Variants in TDRP observed in about 807,000 individuals in gnomAD.
TDRP encodes the protein testis development related protein.
TDRP carries 12 observed loss-of-function variants against 10.5 expected under a neutral mutation model. The observed-to-expected ratio is 1.15, with a 90% CI of 0.73 to 1.86. TDRP has a LOEUF of 1.86. TDRP is among the 40% of genes most tolerant of loss of function. The pLI is 0.00. For missense variants in TDRP, 353 were observed against 229.2 expected (o/e 1.54, Z -3.49); for synonymous variants, 139 against 95.4 (o/e 1.46, Z -2.67).
intron 1 of TDRP, among the ~76,000 whole-genome samples, chr8:517,950 T>C (rs1202810406): frequency 6.6e-6 from 1 of 152,110 alleles, no homozygotes; most frequent in African/African-American, 2.4e-5. Context: ...TGCAAAGGGT[T>C]CAGGGGAGGG....
intron 1 of TDRP, among the ~76,000 whole-genome samples, chr8:513,751 G>C (rs1563123305): frequency 6.6e-6 from 1 of 152,094 alleles, no homozygotes; most frequent in Non-Finnish European, 1.5e-5. Flanking sequence ...AAAATATGAA[G>C]TAGTCCACTA....
chr8:493,993 G>GTTT (rs68057437), intron 2 of TDRP, among the ~76,000 whole-genome samples: 13,206 of 105,438 alleles, frequency 0.13, 1,027 homozygotes, highest in Non-Finnish European at 0.15. Context: ...CATTTCTGTT[G>GTTT]TTTTTTTTTT....
chr8:527,458 C>T (rs1287611895), intron 1 of TDRP, among the ~76,000 whole-genome samples: 1 of 151,766 alleles, frequency 6.6e-6, no homozygotes, highest in African/African-American at 2.4e-5. Flanking sequence ...ATAGCCAAAG[C>T]TATCCTGAGC....
upstream of TDRP, chr8:545,470 C>T (rs1267447765): frequency 6.6e-6 from 1 of 151,400 alleles, no homozygotes; most frequent in Non-Finnish European, 1.5e-5. Context: ...TTCCCAGACC[C>T]TGGCCGGAGG....
At chr8:508,209 A>C (rs1219276907) in intron 1 of TDRP, among the ~76,000 whole-genome samples, 1 of 152,244 alleles carries the variant, frequency 6.6e-6, no homozygotes, top group Non-Finnish European at 1.5e-5. Flanking sequence ...CTAGAAATGA[A>C]AAGTATAATA....
At chr8:544,836 C>T (rs1025970151), upstream of TDRP, 133 of 1,049,580 alleles carry the variant, frequency 1.3e-4, no homozygotes, top group Non-Finnish European at 1.5e-4. Context: ...GGACGCTCTG[C>T]CTGCGGCTCC....
At chr8:496,562 A>C (rs1338126213) in intron 1 of TDRP, among the ~76,000 whole-genome samples, 1 of 152,202 alleles carries the variant, frequency 6.6e-6, no homozygotes, top group Non-Finnish European at 1.5e-5. Context: ...CCAAGTTGTT[A>C]TGTTCCCCAT....
In TDRP at chr8:492,309, T is replaced by C. The variant is rs1800999889; in HGVS notation, c.*90A>G. On this transcript the variant is annotated 3_prime_UTR_variant, in exon 3 of 3. Transcript: ENST00000324079. ...AAATATAGGCAAAAAGTAGACTCTC[T>C]ATTCTTTCTAACGCGGAAAAGACTC... 3 of 1,381,036 alleles carry C rather than the reference T, an allele frequency of 2.2e-6. No homozygotes were observed. Among genetic ancestry groups the C allele is most frequent in the Non-Finnish European group, 2.8e-6 (3 of 1,064,416 alleles). 85.5% of individuals were successfully genotyped at this position (1,381,036 alleles called of 1,614,324 possible). A position where few individuals can be genotyped will look rare whatever the true frequency, so the allele number is the denominator to read the frequency against.
intron 1 of TDRP, among the ~76,000 whole-genome samples, chr8:502,420 A>C (rs372904877): frequency 1.3e-5 from 2 of 152,346 alleles, no homozygotes; most frequent in East Asian, 3.9e-4. Context: ...ACGACCCTTC[A>C]GGGTGTGGTG....
intron 1 of TDRP, among the ~76,000 whole-genome samples, chr8:543,929 G>T (rs1298247246): frequency 7.6e-6 from 1 of 131,542 alleles, no homozygotes; most frequent in Non-Finnish European, 1.7e-5. Flanking sequence ...AAAAAGGGAG[G>T]GGGGGGGAGG....
At chr8:533,225 T>C (rs1485784988) in intron 1 of TDRP, among the ~76,000 whole-genome samples, 1 of 152,124 alleles carries the variant, frequency 6.6e-6, no homozygotes, top group Non-Finnish European at 1.5e-5. Context: ...CACATAAGCC[T>C]CTCCCTTCTG....
chr8:544,669 G>GC lies in TDRP; in HGVS notation c.88dup (p.Ala30GlyfsTer24), dbSNP rs1334292604. On this transcript the variant is annotated frameshift_variant, in exon 1 of 3. Transcript: ENST00000324079. LOFTEE classifies it high-confidence loss of function. ...CCTCACCTGCGCCTGGGCGGCGGCG[G>GC]CGGCGGCCGGTGGCGGCCCCCCACG... is the stretch of plus-strand genomic sequence containing the variant. 2.4e-6 allele frequency: 3 copies of GC among 1,244,444 alleles called. No individual in the cohort carries two copies. The highest frequency in any genetic ancestry group is 3.0e-6 in the Non-Finnish European group (3 of 995,396). 77.1% of individuals were successfully genotyped at this position (1,244,444 alleles called of 1,614,324 possible).
intron 1 of TDRP, among the ~76,000 whole-genome samples, chr8:530,304 G>A (rs1802156078): frequency 1.3e-5 from 2 of 152,048 alleles, no homozygotes; most frequent in African/African-American, 2.4e-5. Context: ...TCTTTAAGAT[G>A]ATCATTTTGA....
intron 1 of TDRP, among the ~76,000 whole-genome samples, chr8:512,290 G>A (rs1801640806): frequency 6.6e-6 from 1 of 151,886 alleles, no homozygotes; most frequent in African/African-American, 2.4e-5. Flanking sequence ...AAAAATGACT[G>A]GGCATGGTGG....
intron 1 of TDRP, among the ~76,000 whole-genome samples, chr8:542,370 C>CA (rs138981430): frequency 0.014 from 2,064 of 152,062 alleles, 35 homozygotes; most frequent in African/African-American, 0.048. Context: ...TGAGCCCTCC[C>CA]AGGTGAGGAC....
chr8:543,618 T>C (rs895495888), intron 1 of TDRP, among the ~76,000 whole-genome samples: 2 of 151,152 alleles, frequency 1.3e-5, no homozygotes, highest in African/African-American at 4.9e-5. Context: ...CAAGTTCAGA[T>C]AGTAACCATA....
Position 491,441 on chromosome 8 carries a change from A to G in TDRP, c.*958T>C, listed in dbSNP as rs1403770876. On this transcript the variant is annotated 3_prime_UTR_variant, in exon 3 of 3. Coordinates refer to ENST00000324079, the MANE Select transcript of TDRP (RefSeq NM_001384899.1). ...AGTAAGCAGACAGAAAAAGAACGCG[A>G]GAGATGCTCTCAAACCGGTCGTCGA... 1.4e-5 allele frequency: 8 copies of G among 568,744 alleles called. No homozygotes were observed. The highest frequency in any genetic ancestry group is 2.3e-5 in the Non-Finnish European group (8 of 352,558). 35.2% of individuals were successfully genotyped at this position (568,744 alleles called of 1,614,324 possible).
intron 1 of TDRP, among the ~76,000 whole-genome samples, chr8:500,967 G>A (rs1484234516): frequency 6.6e-6 from 1 of 152,216 alleles, no homozygotes; most frequent in Non-Finnish European, 1.5e-5. Context: ...AGCACTCTGG[G>A]AGGCCAAGGT....
intron 1 of TDRP, among the ~76,000 whole-genome samples, chr8:519,512 T>C (rs1801842489): frequency 6.6e-6 from 1 of 152,064 alleles, no homozygotes; most frequent in South Asian, 2.1e-4. Flanking sequence ...CAAACTGTTG[T>C]ACAACAGATC....
Sources: allele counts gnomAD v4.1 joint callset (sites outside exome capture counted in the v4.1 genomes callset), GRCh38; gene constraint gnomAD v4.1.1; transcripts MANE v1.5; gene names NCBI Gene and HGNC (gene_info 2026-07-23, HGNC 2026-07-21).